The following NRCAM variants were observed in gnomAD, a reference collection of about 807,000 sequenced individuals.
NRCAM encodes the protein neuronal cell adhesion molecule.
NRCAM carries 83 observed loss-of-function variants against 156.5 expected under a neutral mutation model. That is an observed-to-expected ratio of 0.53 (90% CI 0.44 to 0.64). The LOEUF is 0.64. Ranked by LOEUF, NRCAM falls within the 30% of genes least tolerant of loss-of-function variation. The pLI is 0.00. For missense variants in NRCAM, 1,417 were observed against 1,597.3 expected, an observed-to-expected ratio of 0.89 and a Z score of 1.92; for synonymous variants, 538 against 563.9, an observed-to-expected ratio of 0.95 and a Z score of 0.65.
chr7:108,264,051 C>T (rs1015037969), intron 3 of NRCAM, among the ~76,000 whole-genome samples: 2 of 152,044 alleles, frequency 1.3e-5, no homozygotes, highest in African/African-American at 4.8e-5. Flanking sequence ...AGTCTTGGCT[C>T]ACTGCAACCT....
At chr7:108,309,522 C>G (rs953872166) in intron 3 of NRCAM, among the ~76,000 whole-genome samples, 6 of 152,178 alleles carry the variant, frequency 3.9e-5, no homozygotes, top group African/African-American at 1.4e-4. Context: ...TAAAATGATC[C>G]TGTAGGACAA....
chr7:108,163,249 T>C (rs992459053), intron 30 of NRCAM, among the ~76,000 whole-genome samples: 12 of 152,172 alleles, frequency 7.9e-5, no homozygotes, highest in Non-Finnish European at 1.2e-4. Context: ...ACAGAAAATA[T>C]GGCAGGAGAA....
At chr7:108,384,664 C>T (rs2099732485) in intron 2 of NRCAM, among the ~76,000 whole-genome samples, 2 of 152,190 alleles carry the variant, frequency 1.3e-5, no homozygotes, top group Admixed American at 1.3e-4. Context: ...ACATATGAAT[C>T]CTGAGCCTCC....
In NRCAM at chr7:108,182,882, C is replaced by A; in HGVS notation, c.2343G>T (p.Gln781His). 1 of 1,614,232 alleles carries A rather than the reference C, an allele frequency of 6.2e-7. No homozygotes were observed. The highest frequency in any genetic ancestry group is 8.5e-7 in the Non-Finnish European group (1 of 1,180,044). Residue 781 changes from glutamine to histidine, a missense_variant, in exon 23 of 33, where the codon CAG (glutamine) becomes CAT (histidine). Around this residue, in one of 2 missense-constraint regions of NRCAM, gnomAD observed 1,238 missense variants for 1,336.4 expected, o/e 0.93. Transcript: ENST00000379028. Reference sequence around the variant, plus strand: ...CTTTCTGGCGCCAGCTAACTTTGTACTGAAGGCCTGGCCCATTAGATTCGA... The same window carrying A: ...CTTTCTGGCGCCAGCTAACTTTGTAATGAAGGCCTGGCCCATTAGATTCGA... ...NGFESNGPGL[Q>H]YKVSWRQKDG...
intron 1 of NRCAM, among the ~76,000 whole-genome samples, chr7:108,453,905 C>A (rs1295878027): frequency 6.6e-6 from 1 of 152,106 alleles, no homozygotes; most frequent in Non-Finnish European, 1.5e-5. Context: ...AGATTGGATG[C>A]TAGGGTCCTA....
At chr7:108,415,750 C>T (rs1800761453) in intron 1 of NRCAM, among the ~76,000 whole-genome samples, 1 of 152,128 alleles carries the variant, frequency 6.6e-6, no homozygotes, top group Non-Finnish European at 1.5e-5. Flanking sequence ...GGCATGGTGG[C>T]AGGCACCTGT....
At chr7:108,280,903 T>A (rs2097836993) in intron 3 of NRCAM, among the ~76,000 whole-genome samples, 1 of 152,192 alleles carries the variant, frequency 6.6e-6, no homozygotes, top group Admixed American at 6.5e-5. Context: ...TGGTCTTTTA[T>A]GCTAAAAGCT....
intron 11 of NRCAM, among the ~76,000 whole-genome samples, chr7:108,222,528 A>AT (rs1318152962): frequency 1.3e-5 from 2 of 152,232 alleles, no homozygotes; most frequent in African/African-American, 4.8e-5. Flanking sequence ...CTCTTACACC[A>AT]TAACGATGGA....
intron 2 of NRCAM, among the ~76,000 whole-genome samples, chr7:108,364,350 A>G (rs2099578628): frequency 6.6e-6 from 1 of 152,232 alleles, no homozygotes. Flanking sequence ...AAAAGCTGAC[A>G]ATAGCAAGTG....
intron 2 of NRCAM, among the ~76,000 whole-genome samples, chr7:108,389,930 T>A (rs2099754182): frequency 6.6e-6 from 1 of 152,162 alleles, no homozygotes; most frequent in Non-Finnish European, 1.5e-5. Flanking sequence ...TGGATAAGCT[T>A]TTTGATGTGC....
At chr7:108,341,710 G>A (rs1233355795) in intron 2 of NRCAM, among the ~76,000 whole-genome samples, 1 of 152,024 alleles carries the variant, frequency 6.6e-6, no homozygotes, top group African/African-American at 2.4e-5. Flanking sequence ...CCTACCAAAG[G>A]CAGTACCCCC....
At chr7:108,322,557 A>C (rs1204763701) in intron 2 of NRCAM, among the ~76,000 whole-genome samples, 1 of 152,178 alleles carries the variant, frequency 6.6e-6, no homozygotes, top group African/African-American at 2.4e-5. Context: ...TTTGAGCATA[A>C]AAAGGCAAGG....
At chr7:108,396,595 A>G (rs1217274473) in intron 2 of NRCAM, among the ~76,000 whole-genome samples, 5 of 152,236 alleles carry the variant, frequency 3.3e-5, no homozygotes, top group African/African-American at 7.2e-5. Flanking sequence ...TAATGTTCCC[A>G]ACACAAAGAA....
rs2039535591 is a variant in NRCAM, at chr7:108,147,666, T to C, written c.*2244A>G. ...AAGTCACAAAGAGATCAAGACTGTT[T>C]AATAGTTACTTTTTTGAGGGAAATC... On this transcript the variant is annotated 3_prime_UTR_variant, in exon 33 of 33. Transcript: ENST00000379028. 1.3e-5 allele frequency: 2 copies of C among 152,336 alleles called. 1 individual carries two copies. The highest frequency in any genetic ancestry group is 1.3e-4 in the Admixed American group (2 of 15,282). The allele number at this position is 152,336 out of a possible 1,614,324, so 9.4% of individuals were successfully genotyped here. A position where few individuals can be genotyped will look rare whatever the true frequency, so the allele number is the denominator to read the frequency against.
intron 20 of NRCAM, among the ~76,000 whole-genome samples, chr7:108,185,171 T>C (rs536330515): frequency 6.6e-6 from 1 of 152,238 alleles, no homozygotes; most frequent in African/African-American, 2.4e-5. Context: ...TTCTCTGACT[T>C]TGTAGGAAGT....
intron 2 of NRCAM, among the ~76,000 whole-genome samples, chr7:108,358,410 A>G (rs2099522935): frequency 6.6e-6 from 1 of 152,106 alleles, no homozygotes; most frequent in Non-Finnish European, 1.5e-5. Flanking sequence ...GTCTCAAAAC[A>G]AAAACCAAAA....
intron 1 of NRCAM, among the ~76,000 whole-genome samples, chr7:108,417,394 G>A (rs1802924373): frequency 6.6e-6 from 1 of 152,160 alleles, no homozygotes; most frequent in Admixed American, 6.5e-5. Flanking sequence ...GAGAGCAAGA[G>A]AGACACAGGG....
At chr7:108,187,048 A>G (rs2067281170) in intron 20 of NRCAM, among the ~76,000 whole-genome samples, 2 of 76,396 alleles carry the variant, frequency 2.6e-5, no homozygotes, top group African/African-American at 6.1e-5. Context: ...ATTCCAAGGA[A>G]GGTACCCTGT....
intron 11 of NRCAM, among the ~76,000 whole-genome samples, chr7:108,211,378 C>A (rs1309345046): frequency 1.3e-5 from 2 of 152,162 alleles, no homozygotes; most frequent in Non-Finnish European, 2.9e-5. Flanking sequence ...AGACGAGAAA[C>A]CTCCTGGCCA....
Sources: allele counts gnomAD v4.1 joint callset (sites outside exome capture counted in the v4.1 genomes callset), GRCh38; gene constraint gnomAD v4.1.1; regional missense constraint gnomAD v4.1.1; transcripts MANE v1.5; gene names NCBI Gene and HGNC (gene_info 2026-07-23, HGNC 2026-07-21).